The following SLIT3 variants were observed in gnomAD, a reference collection of about 807,000 sequenced individuals.
The protein encoded by SLIT3 is slit guidance ligand 3.
In SLIT3, 68 loss-of-function variants were observed where a neutral mutation model predicts 184.0. The observed-to-expected ratio is 0.37, with a 90% CI of 0.30 to 0.45. SLIT3 has a LOEUF of 0.45. Among genes scored for constraint, SLIT3 ranks in the 20% least tolerant of loss-of-function variants. The pLI, the probability that SLIT3 is intolerant of heterozygous loss-of-function variation, is 1.00. For missense variants in SLIT3, 1,707 were observed against 2,026.0 expected, an observed-to-expected ratio of 0.84 and a Z score of 3.02; for synonymous variants, 831 against 828.6, an observed-to-expected ratio of 1.00 and a Z score of -0.05.
chr5:168,732,131 A>G (rs927621073), intron 20 of SLIT3, among the ~76,000 whole-genome samples: 1 of 152,168 alleles, frequency 6.6e-6, no homozygotes, highest in Non-Finnish European at 1.5e-5. Context: ...AGAAATTAGT[A>G]GCATTCCTAA....
chr5:168,800,265 A>G (rs571232942), intron 9 of SLIT3, among the ~76,000 whole-genome samples: 1 of 152,176 alleles, frequency 6.6e-6, no homozygotes, highest in East Asian at 1.9e-4. Flanking sequence ...CTCTTTCTTT[A>G]CCATTGGTCC....
chr5:168,722,306 C>T lies in SLIT3; in HGVS notation c.2433G>A (p.Leu811=). The change falls in exon 23 of 36, where the codon CTG becomes CTA. Residue 811 remains leucine, a synonymous_variant. Transcript: ENST00000519560. ...TGAAGGCGTGGACGGGGATGCACCT[C>T]AGCCGGTTGTAGCTCAGGATCCTGT... ...LSTLILSYNR[L]RCIPVHAFNG... The T allele has an allele frequency of 1.9e-6, 3 of 1,614,176 alleles. No homozygotes were observed. The highest frequency in any genetic ancestry group is 2.5e-6 in the Non-Finnish European group (3 of 1,180,030).
intron 6 of SLIT3, among the ~76,000 whole-genome samples, chr5:168,825,288 C>G (rs1343985667): frequency 6.6e-6 from 1 of 152,184 alleles, no homozygotes; most frequent in African/African-American, 2.4e-5. Flanking sequence ...TATTCTCCAT[C>G]CTACCCAAGG....
intron 4 of SLIT3, among the ~76,000 whole-genome samples, chr5:168,926,862 C>CA (rs745928959): frequency 0.015 from 2,243 of 147,494 alleles, 17 homozygotes; most frequent in Non-Finnish European, 0.022. Flanking sequence ...TGGCTACTAT[C>CA]AAAAAAAAAA....
chr5:169,130,448 TAA>T (rs1471459944), intron 4 of SLIT3, among the ~76,000 whole-genome samples: 2 of 152,144 alleles, frequency 1.3e-5, no homozygotes, highest in African/African-American at 4.8e-5. Context: ...GGGACCCAGG[TAA>T]GTCACTTAAA....
intron 6 of SLIT3, among the ~76,000 whole-genome samples, chr5:168,829,122 G>A (rs1273122830): frequency 1.3e-5 from 2 of 152,158 alleles, no homozygotes; most frequent in Non-Finnish European, 2.9e-5. Context: ...TGATCTGGAG[G>A]AGACACGTCC....
chr5:168,846,229 A>G (rs991841744), intron 5 of SLIT3, among the ~76,000 whole-genome samples: 2 of 152,128 alleles, frequency 1.3e-5, no homozygotes, highest in Non-Finnish European at 2.9e-5. Flanking sequence ...AGATATTTAG[A>G]CTAAGAAAAT....
At chr5:169,125,036 T>C (rs1326061311) in intron 4 of SLIT3, among the ~76,000 whole-genome samples, 2 of 152,046 alleles carry the variant, frequency 1.3e-5, no homozygotes, top group East Asian at 3.8e-4. Flanking sequence ...TTTTGTTTTG[T>C]TTTGTTTTTG....
intron 1 of SLIT3, among the ~76,000 whole-genome samples, chr5:169,264,387 G>A (rs770097348): frequency 2.0e-5 from 3 of 152,150 alleles, no homozygotes; most frequent in Non-Finnish European, 4.4e-5. Flanking sequence ...GTTTCACCAT[G>A]TTGGCCAGGC....
At chr5:168,948,343 G>A (rs1446581781) in intron 4 of SLIT3, among the ~76,000 whole-genome samples, 1 of 152,164 alleles carries the variant, frequency 6.6e-6, no homozygotes, top group Non-Finnish European at 1.5e-5. Flanking sequence ...AGGAGACTCA[G>A]CGAAGGAAGA....
At position 169,203,114 on chromosome 5, in the gene SLIT3, T is replaced by C. The variant is rs562685354; in HGVS notation, c.342-9564A>G. The stretch of plus-strand genomic sequence containing the variant: ...ATGGGCCAAAAGGCACTGTGAGTCC[T>C]CTAGTTCCAGGATGGCTGACTCACA... On this transcript the variant is annotated intron_variant, in intron 3 of 35. Transcript: ENST00000519560. 5.9e-5 allele frequency among the ~76,000 whole-genome samples: 9 copies of C among 152,260 alleles called. No individual in the cohort carries two copies. The South Asian group carries it at 1.9e-3, about 32-fold the overall frequency.
intron 4 of SLIT3, among the ~76,000 whole-genome samples, chr5:169,118,002 C>T (rs1052478784): frequency 5.3e-5 from 8 of 152,132 alleles, no homozygotes; most frequent in Non-Finnish European, 1.2e-4. Flanking sequence ...GTGCCTTTTG[C>T]CTTCCCACTT....
chr5:169,159,940 C>T (rs1402811528), intron 4 of SLIT3, among the ~76,000 whole-genome samples: 1 of 152,166 alleles, frequency 6.6e-6, no homozygotes, highest in African/African-American at 2.4e-5. Context: ...ATGGCTGCCA[C>T]TCCAACTTAG....
chr5:169,000,886 T>G (rs1296317484), intron 4 of SLIT3, among the ~76,000 whole-genome samples: 4 of 152,200 alleles, frequency 2.6e-5, no homozygotes, highest in African/African-American at 9.7e-5. Flanking sequence ...GGTTTTCAGT[T>G]CTAAAATCTC....
chr5:169,209,281 T>C (rs180911830), intron 3 of SLIT3, among the ~76,000 whole-genome samples: 1 of 152,298 alleles, frequency 6.6e-6, no homozygotes, highest in Non-Finnish European at 1.5e-5. Context: ...AGAATGGCGA[T>C]CACTAAAAAG....
intron 35 of SLIT3, among the ~76,000 whole-genome samples, chr5:168,669,152 C>T (rs1316274415): frequency 6.6e-6 from 1 of 152,232 alleles, no homozygotes; most frequent in South Asian, 2.1e-4. Flanking sequence ...GTATTGATGC[C>T]CTTTATGTGG....
At chr5:169,117,024 G>A (rs538034060) in intron 4 of SLIT3, among the ~76,000 whole-genome samples, 2 of 152,262 alleles carry the variant, frequency 1.3e-5, no homozygotes, top group Admixed American at 6.5e-5. Context: ...GGGGCAGGGA[G>A]CAGGGGGCTT....
chr5:168,752,032 C>G (rs965359747), intron 18 of SLIT3, among the ~76,000 whole-genome samples: 1 of 152,116 alleles, frequency 6.6e-6, no homozygotes, highest in East Asian at 1.9e-4. Flanking sequence ...AGCCACCAAG[C>G]CTGGCTGCCA....
intron 3 of SLIT3, among the ~76,000 whole-genome samples, chr5:169,240,279 T>A (rs1344048676): frequency 6.6e-6 from 1 of 151,954 alleles, no homozygotes; most frequent in African/African-American, 2.4e-5. Context: ...TGTTATTTAA[T>A]ATTCTATATT....
Sources: allele counts gnomAD v4.1 joint callset (sites outside exome capture counted in the v4.1 genomes callset), GRCh38; gene constraint gnomAD v4.1.1; transcripts MANE v1.5; gene names NCBI Gene and HGNC (gene_info 2026-07-23, HGNC 2026-07-21).